The following RBL1 variants were observed in gnomAD, a reference collection of about 807,000 sequenced individuals.
The protein encoded by RBL1 is retinoblastoma-like protein 1.
In RBL1, 82 loss-of-function variants were observed where a neutral mutation model predicts 123.0. The ratio of observed to expected loss-of-function variants is 0.67; its 90% confidence interval spans 0.56 to 0.80. The LOEUF (loss-of-function observed/expected upper bound fraction) is 0.80, where lower values mean the gene tolerates loss of function less well. Ranked by LOEUF, RBL1 falls within the 30% of genes least tolerant of loss-of-function variation. The probability of loss-of-function intolerance (pLI) is 0.00; values close to 1 mark genes in which losing one functional copy is unlikely to be tolerated. For synonymous variants in RBL1, 405 were observed against 441.3 expected, an observed-to-expected ratio of 0.92 and a Z score of 1.03; for missense variants, 1,171 against 1,299.6, an observed-to-expected ratio of 0.90 and a Z score of 1.52.
At chr20:37,006,670 C>T (rs1476637731) in intron 20 of RBL1, among the ~76,000 whole-genome samples, 3 of 143,428 alleles carry the variant, frequency 2.1e-5, no homozygotes, top group East Asian at 2.2e-4. Context: ...GAAACCCTGT[C>T]TCTACTAAAG....
intron 18 of RBL1, among the ~76,000 whole-genome samples, chr20:37,019,415 G>C (rs1353884930): frequency 6.6e-6 from 1 of 152,098 alleles, no homozygotes; most frequent in Non-Finnish European, 1.5e-5. Flanking sequence ...CCATGGCTTG[G>C]CCCATTCTTG....
At position 37,049,266 on chromosome 20, in the gene RBL1, G is replaced by A. The variant is rs148496882; in HGVS notation, c.1468-2076C>T. 3.1e-4 allele frequency: 166 copies of A among 532,210 alleles called. 3 individuals carry two copies. Among genetic ancestry groups the A allele is most frequent in the Middle Eastern group, 2.6e-3 (5 of 1,914 alleles). 33.0% of individuals were successfully genotyped at this position (532,210 alleles called of 1,614,324 possible). On this transcript the variant is annotated intron_variant, in intron 11 of 21. Transcript: ENST00000373664. ...CCGCCATCTGCAAATGCAGATTTTC[G>A]TGAAAACCCTTACAGGGAAAACCAT...
At chr20:37,066,341 A>G (rs1212617523) in intron 6 of RBL1, among the ~76,000 whole-genome samples, 1 of 152,248 alleles carries the variant, frequency 6.6e-6, no homozygotes, top group Non-Finnish European at 1.5e-5. Flanking sequence ...GTTGTTATAC[A>G]TCATCCTACT....
chr20:37,077,587 A>G (rs534401148), intron 2 of RBL1, among the ~76,000 whole-genome samples: 2 of 152,322 alleles, frequency 1.3e-5, no homozygotes, highest in East Asian at 3.9e-4. Context: ...GGCCTACCCC[A>G]TCAGACTTTC....
At chr20:37,062,642 T>C (rs1349797930) in intron 7 of RBL1, among the ~76,000 whole-genome samples, 1 of 67,920 alleles carries the variant, frequency 1.5e-5, no homozygotes, top group Non-Finnish European at 2.5e-5. Context: ...CAAGACTCTG[T>C]CTCAAAAAAA....
chr20:37,083,018 T>TA (rs753809577), intron 2 of RBL1, among the ~76,000 whole-genome samples: 1 of 151,954 alleles, frequency 6.6e-6, no homozygotes, highest in South Asian at 2.1e-4. Context: ...TAATAAAAGT[T>TA]AAAAAAATTA....
chr20:37,057,450 C>A (rs1351991879), intron 9 of RBL1, among the ~76,000 whole-genome samples: 1 of 150,946 alleles, frequency 6.6e-6, no homozygotes, highest in African/African-American at 2.4e-5. Context: ...ATTTGTAACT[C>A]CCTGATTAGT....
At chr20:37,064,957 G>T (rs2065156002) in intron 7 of RBL1, among the ~76,000 whole-genome samples, 2 of 148,928 alleles carry the variant, frequency 1.3e-5, no homozygotes, top group Admixed American at 1.3e-4. Context: ...TTGGAAATAG[G>T]GTCTCACTCT....
At chr20:37,058,978 C>T (rs958331690) in intron 9 of RBL1, among the ~76,000 whole-genome samples, 1 of 152,206 alleles carries the variant, frequency 6.6e-6, no homozygotes, top group South Asian at 2.1e-4. Flanking sequence ...AACTGATCCT[C>T]TCGCCTCAGC....
At chr20:37,092,868 C>A (rs1036459609) in intron 1 of RBL1, among the ~76,000 whole-genome samples, 4 of 152,084 alleles carry the variant, frequency 2.6e-5, no homozygotes, top group Admixed American at 2.0e-4. Context: ...TTGATAAAAT[C>A]CTATTTCATA....
intron 19 of RBL1, among the ~76,000 whole-genome samples, chr20:37,012,530 G>A (rs1426534243): frequency 6.6e-6 from 1 of 151,616 alleles, no homozygotes; most frequent in East Asian, 2.0e-4. Context: ...CGTCTGGGAT[G>A]TGAGGAGCGC....
intron 16 of RBL1, among the ~76,000 whole-genome samples, chr20:37,031,826 C>T (rs2146245629): frequency 6.6e-6 from 1 of 151,876 alleles, no homozygotes; most frequent in South Asian, 2.1e-4. Flanking sequence ...GTAGCCTCAA[C>T]CTCCTGGGCT....
intron 2 of RBL1, among the ~76,000 whole-genome samples, chr20:37,080,031 T>C (rs562720085): frequency 6.6e-6 from 1 of 152,238 alleles, no homozygotes; most frequent in East Asian, 1.9e-4. Context: ...TGGAATTTAA[T>C]AATAGGTATG....
chr20:37,043,224 C>G (rs976587075), intron 13 of RBL1, among the ~76,000 whole-genome samples: 1 of 151,698 alleles, frequency 6.6e-6, no homozygotes, highest in African/African-American at 2.4e-5. Context: ...GCTCAAGCCT[C>G]TAGCCTCTAA....
intron 2 of RBL1, 87 bp from the exon 3 acceptor site, chr20:37,068,273 A>G: frequency 6.9e-7 from 1 of 1,458,276 alleles, no homozygotes; most frequent in Non-Finnish European, 9.1e-7. Context: ...CATGACTAAG[A>G]CTCTTTATTA....
chr20:37,085,132 C>CTTTT (rs1212338574), intron 2 of RBL1, among the ~76,000 whole-genome samples: 1 of 132,980 alleles, frequency 7.5e-6, no homozygotes, highest in African/African-American at 2.8e-5. Context: ...CTTTTCTTTT[C>CTTTT]TTTTTTTTTT....
Position 37,089,096 on chromosome 20 carries a change from A to G in RBL1, c.183T>C (p.Cys61=), listed in dbSNP as rs755439912. ...LEGEVTHWLA[C]SLYVACRKSI... ...TTTTGCGGCATGCAACATATAATGA[A>G]CATGCCAACCAGTGTGTAACTTCTC... The change falls in exon 2 of 22, where the codon TGT becomes TGC. Residue 61 remains cysteine (C), a synonymous_variant. Coordinates refer to ENST00000373664, the MANE Select transcript of RBL1 (RefSeq NM_002895.5). 6.2e-7 allele frequency: 1 copy of G among 1,610,246 alleles called. No homozygotes were observed. Among genetic ancestry groups the G allele is most frequent in the Non-Finnish European group, 8.5e-7 (1 of 1,177,900 alleles).
chr20:37,051,991 T>C (rs145120085), intron 11 of RBL1, among the ~76,000 whole-genome samples: 206 of 151,518 alleles, frequency 1.4e-3, no homozygotes, highest in African/African-American at 4.8e-3. Context: ...GCAAAGAAAA[T>C]TACCAGGGAC....
rs537501211 is a variant in RBL1, at chr20:37,046,797, G to A, written c.1605+256C>T. The stretch of plus-strand genomic sequence containing the variant: ...CTAATTTTTTTTGGTATTTTTAGTA[G>A]AGACGGAGTTTCACCATTTTGGCCA... On this transcript the variant is annotated intron_variant, in intron 12 of 21. Coordinates refer to ENST00000373664, the MANE Select transcript of RBL1 (RefSeq NM_002895.5). Among the ~76,000 whole-genome samples the A allele has an allele frequency of 8.6e-5, 13 of 151,894 alleles. No individual in the cohort carries two copies. In the East Asian group the frequency reaches 2.1e-3, roughly 25 times the overall value.
Sources: gnomAD v4.1 joint callset for allele counts (sites outside exome capture counted in the v4.1 genomes callset) on GRCh38, gnomAD v4.1.1 for gene constraint, MANE v1.5 for transcripts, NCBI Gene and HGNC (gene_info 2026-07-23, HGNC 2026-07-21) for gene names.